SAMD9: variants seen among roughly 807,000 people sequenced by gnomAD.
SAMD9 encodes the protein sterile alpha motif domain-containing protein 9.
In SAMD9, 3 loss-of-function variants were observed where a neutral mutation model predicts 1.5. The ratio of observed to expected loss-of-function variants is 2.05; its 90% CI spans 0.93 to 5.29. The LOEUF (loss-of-function observed/expected upper bound fraction) is 5.29. Among genes scored for constraint, SAMD9 ranks in the 30% most tolerant of loss-of-function variants. The probability of loss-of-function intolerance (pLI) is 0.02; values close to 1 mark genes in which losing one functional copy is unlikely to be tolerated. For synonymous variants in SAMD9, 635 were observed against 631.9 expected, an observed-to-expected ratio of 1.00 and a Z score of -0.07; for missense variants, 1,597 against 1,820.8, an observed-to-expected ratio of 0.88 and a Z score of 2.24.
At position 93,101,016 on chromosome 7, in the gene SAMD9, G is replaced by A. The variant is rs1791518409; in HGVS notation, c.*312C>T. 2.8e-6 allele frequency: 1 copy of A among 362,948 alleles called. No homozygotes were observed. Among genetic ancestry groups the A allele is most frequent in the Non-Finnish European group, 5.1e-6 (1 of 197,224 alleles). The allele number at this position is 362,948 out of a possible 1,614,324, so 22.5% of individuals were successfully genotyped here. A position where few individuals can be genotyped will look rare whatever the true frequency, so the allele number is the denominator to read the frequency against. On this transcript the variant is annotated 3_prime_UTR_variant, in exon 3 of 3. Transcript: ENST00000379958. ...TTCAATCCATGCCTGGTAAGTAGTG[G>A]GGTTCTGTGTAGCCAGCTTATTACA...
At position 93,104,328 on chromosome 7, in the gene SAMD9, A is replaced by T; in HGVS notation, c.1770T>A (p.Leu590=). Residue 590 remains leucine, a synonymous_variant, in exon 3 of 3, where the codon CTT becomes CTA. Coordinates refer to ENST00000379958, the MANE Select transcript of SAMD9 (RefSeq NM_017654.4). The part of the protein sequence containing the change: ...PHIFQGWKDL[L]EARLIKHQDE... Reference sequence around the variant, plus strand: ...CTTGGTGTTTTATTAATCTTGCTTCAAGTAGATCTTTCCATCCCTGAAATA... The same window carrying T: ...CTTGGTGTTTTATTAATCTTGCTTCTAGTAGATCTTTCCATCCCTGAAATA... 6.2e-7 allele frequency: 1 copy of T among 1,613,780 alleles called. No individual in the cohort carries two copies. The highest frequency in any genetic ancestry group is 8.5e-7 in the Non-Finnish European group (1 of 1,179,812).
intron 2 of SAMD9, among the ~76,000 whole-genome samples, chr7:93,113,675 C>T (rs1468349033): frequency 6.6e-6 from 1 of 152,156 alleles, no homozygotes; most frequent in Non-Finnish European, 1.5e-5. Flanking sequence ...GACATTTATG[C>T]AGCCAACAGA....
Position 93,109,422 on chromosome 7 carries a change from G to A in SAMD9, c.-8-3317C>T, listed in dbSNP as rs368045999. Reference sequence around the variant, plus strand: ...CTCCTCCAAAGGAATGCAACTCCTCGCCAGCAACGGAACAAAGCTGGACAG... The same window carrying A: ...CTCCTCCAAAGGAATGCAACTCCTCACCAGCAACGGAACAAAGCTGGACAG... On this transcript the variant is annotated intron_variant, in intron 2 of 2. Coordinates refer to ENST00000379958, the MANE Select transcript of SAMD9 (RefSeq NM_017654.4). Among the ~76,000 whole-genome samples, 27 of 152,218 alleles carry A rather than the reference G, an allele frequency of 1.8e-4. No individual in the cohort carries two copies. In the East Asian group the frequency reaches 3.1e-3, roughly 17 times the overall value.
rs759469955 is a variant in SAMD9, at chr7:93,101,482, A to G, written c.4616T>C (p.Leu1539Ser). The G allele has an allele frequency of 7.4e-6, 12 of 1,613,840 alleles. No homozygotes were observed. In the Admixed American group the frequency reaches 2.0e-4, roughly 27 times the overall value. ...RLQGRAENNCLYIEYGINEKI... is the reference protein window; with the variant it reads ...RLQGRAENNCSYIEYGINEKI... ...TTCATTGATTCCATATTCTATATAT[A>G]AACAATTGTTTTCAGCTCGACCTTG... The change falls in exon 3 of 3, where the codon TTA becomes TCA. Residue 1539 changes from leucine to serine, a missense_variant. Physicochemically the swap from Leu to Ser is moderately radical, Grantham distance 145. Around this residue, in one of 6 missense-constraint regions of SAMD9, gnomAD observed 682 missense variants for 810.0 expected, o/e 0.84. Coordinates refer to ENST00000379958, the MANE Select transcript of SAMD9 (RefSeq NM_017654.4).
intron 1 of SAMD9, among the ~76,000 whole-genome samples, chr7:93,116,471 C>T (rs1019177969): frequency 6.6e-6 from 1 of 152,004 alleles, no homozygotes; most frequent in Non-Finnish European, 1.5e-5. Context: ...CACTTCTTCC[C>T]CTAAAGCTTT....
rs1791538428 is a variant in SAMD9, at chr7:93,101,976, T to C, written c.4122A>G (p.Glu1374=). ...TTGACTGGATTTTGACAGTGCATTG[T>C]TCTAAGAGAAAAGTATATTCGTTCA... The part of the protein sequence containing the change: ...CIVNEYTFLL[E]QCTVKIQSKE... Residue 1374 remains glutamate, a synonymous_variant, in exon 3 of 3, where the codon GAA becomes GAG. Coordinates refer to ENST00000379958, the MANE Select transcript of SAMD9 (RefSeq NM_017654.4). 1.9e-6 allele frequency: 3 copies of C among 1,613,832 alleles called. No homozygotes were observed. The highest frequency in any genetic ancestry group is 2.5e-6 in the Non-Finnish European group (3 of 1,179,780).
intron 2 of SAMD9, among the ~76,000 whole-genome samples, chr7:93,112,765 C>T (rs187579830): frequency 3.5e-4 from 54 of 152,240 alleles, no homozygotes; most frequent in Non-Finnish European, 7.5e-4. Flanking sequence ...AAGACCTCTT[C>T]AAGGAGAACT....
rs749480069 is a variant in SAMD9 at position 93,105,921 on chromosome 7, GATGCCC to G, written c.171_176del (p.Met57_Gly58del). ...CTATTTGAATAGCTGGTCCATGTGT[GATGCCC>G]ATATCAACAAGATGTTCTTTTTTTA... On this transcript the variant is annotated inframe_deletion, in exon 3 of 3. Coordinates refer to ENST00000379958, the MANE Select transcript of SAMD9 (RefSeq NM_017654.4). 1.9e-6 allele frequency: 3 copies of G among 1,613,416 alleles called. No individual in the cohort carries two copies. The highest frequency in any genetic ancestry group is 2.5e-6 in the Non-Finnish European group (3 of 1,179,704).
In SAMD9 at chr7:93,105,651, A is replaced by G. The variant is rs779236793; in HGVS notation, c.447T>C (p.Tyr149=). 20 of 1,614,004 alleles carry G rather than the reference A, an allele frequency of 1.2e-5. No homozygotes were observed. Among genetic ancestry groups the G allele is most frequent in the Non-Finnish European group, 1.7e-5 (20 of 1,180,022 alleles). ...KVELIEDKID[Y]TKERQPSIDL... is the part of the protein sequence containing the mutation. Reference sequence around the variant, plus strand: ...CTATGGATGGTTGCCTTTCCTTTGTATAATCTATTTTATCTTCTATGAGCT... The same window carrying G: ...CTATGGATGGTTGCCTTTCCTTTGTGTAATCTATTTTATCTTCTATGAGCT... The change falls in exon 3 of 3, where the codon TAT becomes TAC. Residue 149 remains tyrosine (Y), a synonymous_variant. Coordinates refer to ENST00000379958, the MANE Select transcript of SAMD9 (RefSeq NM_017654.4).
Position 93,105,234 on chromosome 7 carries a change from T to A in SAMD9, c.864A>T (p.Arg288Ser). 1.2e-6 allele frequency: 2 copies of A among 1,613,910 alleles called. No individual in the cohort carries two copies. The highest frequency in any genetic ancestry group is 8.5e-7 in the Non-Finnish European group (1 of 1,179,958). ...QQAKKCIREP[R>S]FVEVLLPNST... ...TATTTGGCAGTAAAACTTCCACAAA[T>A]CTTGGCTCTCGAATGCACTTCTTTG... is the stretch of plus-strand genomic sequence containing the variant. The change falls in exon 3 of 3, where the codon AGA (arginine) becomes AGT (serine). Residue 288 changes from arginine to serine, a missense_variant. Physicochemically the swap from Arg to Ser is moderately radical, Grantham distance 110. Coordinates refer to ENST00000379958, the MANE Select transcript of SAMD9 (RefSeq NM_017654.4).
chr7:93,106,213 G>C, intron 2 of SAMD9, 108 bp from the exon 3 acceptor site: 1 of 638,556 alleles, frequency 1.6e-6, no homozygotes. Context: ...AGCTCAAAAG[G>C]ATATGCCAAT....
Position 93,101,744 on chromosome 7 carries a change from G to C in SAMD9, c.4354C>G (p.Gln1452Glu). 1 of 1,613,732 alleles carries C rather than the reference G, an allele frequency of 6.2e-7. No homozygotes were observed. The highest frequency in any genetic ancestry group is 8.5e-7 in the Non-Finnish European group (1 of 1,179,758). ...ENQQLDQHSE[Q>E]MKEYAQALKN... ...AGTGCTTGAGCATACTCTTTCATTT[G>C]TTCAGAATGTTGATCTAGTTGTTGA... The change falls in exon 3 of 3, where the codon CAA (glutamine) becomes GAA (glutamate). Residue 1452 changes from glutamine to glutamate, a missense_variant. Gln to Glu is a conservative substitution (Grantham distance 29, BLOSUM62 2). Around this residue, in one of 6 missense-constraint regions of SAMD9, gnomAD observed 682 missense variants for 810.0 expected, o/e 0.84. Coordinates refer to ENST00000379958, the MANE Select transcript of SAMD9 (RefSeq NM_017654.4).
chr7:93,113,278 C>A (rs1791776404), intron 2 of SAMD9, among the ~76,000 whole-genome samples: 1 of 152,206 alleles, frequency 6.6e-6, no homozygotes, highest in Non-Finnish European at 1.5e-5. Context: ...TGGATCCCTT[C>A]CTTACACCTC....
chr7:93,103,779 A>G lies in SAMD9; in HGVS notation c.2319T>C (p.Ile773=). ...TGATTAAACTGGTTACCTGTTCTCC[A>G]ATTTCAGAAAAATCCACTGTCTTGT... ...LKNKTVDFSE[I]GEQVTSLITY... is the part of the protein sequence containing the mutation. Residue 773 remains isoleucine (I), a synonymous_variant, in exon 3 of 3, where the codon ATT becomes ATC. Coordinates refer to ENST00000379958, the MANE Select transcript of SAMD9 (RefSeq NM_017654.4). 6.2e-7 allele frequency: 1 copy of G among 1,613,956 alleles called. No individual in the cohort carries two copies. The highest frequency in any genetic ancestry group is 8.5e-7 in the Non-Finnish European group (1 of 1,179,876).
At position 93,101,688 on chromosome 7, in the gene SAMD9, A is replaced by G. The variant is rs1361007408; in HGVS notation, c.4410T>C (p.His1470=). 1 of 1,613,428 alleles carries G rather than the reference A, an allele frequency of 6.2e-7. No homozygotes were observed. The highest frequency in any genetic ancestry group is 8.5e-7 in the Non-Finnish European group (1 of 1,179,586). The change falls in exon 3 of 3, where the codon CAT becomes CAC. Residue 1470 remains histidine (H), a synonymous_variant. Transcript: ENST00000379958. ...LKNSFKGQYK[H]MHRTKQPIAY... is the part of the protein sequence containing the mutation. Reference sequence around the variant, plus strand: ...CAATTGGTTGCTTTGTACGATGCATATGTTTATATTGCCCCTTGAAAGAAT... The same window carrying G: ...CAATTGGTTGCTTTGTACGATGCATGTGTTTATATTGCCCCTTGAAAGAAT...
intron 2 of SAMD9, 73 bp from the exon 3 acceptor site, chr7:93,106,178 T>G: frequency 1.0e-6 from 1 of 978,736 alleles, no homozygotes; most frequent in East Asian, 2.8e-5. Context: ...GTAGATAATA[T>G]ATACATAATT....
intron 1 of SAMD9, among the ~76,000 whole-genome samples, chr7:93,115,955 T>TTACTGA (rs1465650723): frequency 1.3e-5 from 2 of 152,180 alleles, no homozygotes; most frequent in African/African-American, 4.8e-5. Context: ...GTCACTTTCT[T>TTACTGA]GTATCCATTT....
chr7:93,110,241 A>C (rs924244227), intron 2 of SAMD9, among the ~76,000 whole-genome samples: 1 of 152,210 alleles, frequency 6.6e-6, no homozygotes, highest in Non-Finnish European at 1.5e-5. Context: ...AAAATCCTTT[A>C]CAGACAAGCA....
At chr7:93,107,802 C>T (rs192682439) in intron 2 of SAMD9, among the ~76,000 whole-genome samples, 14 of 152,242 alleles carry the variant, frequency 9.2e-5, no homozygotes, top group African/African-American at 3.4e-4. Context: ...GAATAAGCAA[C>T]ATACCTTACA....
Sources: allele counts gnomAD v4.1 joint callset (sites outside exome capture counted in the v4.1 genomes callset), GRCh38; gene constraint gnomAD v4.1.1; regional missense constraint gnomAD v4.1.1; transcripts MANE v1.5; gene names NCBI Gene and HGNC (gene_info 2026-07-23, HGNC 2026-07-21).